MRC1: variants seen among roughly 807,000 people sequenced by gnomAD.
MRC1 encodes the protein macrophage mannose receptor 1.
MRC1 carries 62 observed loss-of-function variants against 102.9 expected under a neutral mutation model. That is an observed-to-expected ratio of 0.60 (90% CI 0.49 to 0.74). The LOEUF (loss-of-function observed/expected upper bound fraction) is 0.74, where lower values mean the gene tolerates loss of function less well. MRC1 is among the 30% of genes least tolerant of loss of function. The pLI is 0.00. For missense variants in MRC1, 1,237 were observed against 862.8 expected, an observed-to-expected ratio of 1.43 and a Z score of -5.43; for synonymous variants, 457 against 298.4, an observed-to-expected ratio of 1.53 and a Z score of -5.48.
chr10:17,832,388 C>T (rs1838587961), intron 3 of MRC1, among the ~76,000 whole-genome samples: 2 of 150,412 alleles, frequency 1.3e-5, no homozygotes, highest in Admixed American at 1.3e-4. Flanking sequence ...AACCCCGTCT[C>T]TACTAAAAAT....
In MRC1 at chr10:17,894,307, G is replaced by A. The variant is rs1242339585; in HGVS notation, c.3245G>A (p.Arg1082Gln). The change falls in exon 23 of 30, where the codon CGA (arginine) becomes CAA (glutamine). Residue 1082 changes from arginine to glutamine, a missense_variant. Arg to Gln is a conservative substitution (Grantham distance 43). Coordinates refer to ENST00000569591, the MANE Select transcript of MRC1 (RefSeq NM_002438.4). ...DSKRGYICQTRSDPSLTNPPA... is the reference protein window; with the variant it reads ...DSKRGYICQTQSDPSLTNPPA... ...AAACGAGGCTACATATGCCAGACAC[G>A]ATCCGGTAAGTTCTACCAAACCTTA... 4.1e-5 allele frequency: 36 copies of A among 871,986 alleles called. No homozygotes were observed. The highest frequency in any genetic ancestry group is 1.1e-4 in the African/African-American group (7 of 61,224). The allele number at this position is 871,986 out of a possible 1,614,324, so 54.0% of individuals were successfully genotyped here.
Position 17,833,659 on chromosome 10 carries a change from C to G in MRC1, c.638-16C>G, listed in dbSNP as rs542646543. ...CTATGCATAATGAACCAAATTCCAT[C>G]TGATTTCTTTCACAGTTGAGGGCAG... is the stretch of plus-strand genomic sequence containing the variant. On this transcript the variant is annotated splice_polypyrimidine_tract_variant and intron_variant, in intron 3 of 29. Transcript: ENST00000569591. The G allele has an allele frequency of 1.3e-6, 1 of 780,958 alleles. No homozygotes were observed. The allele number at this position is 780,958 out of a possible 1,614,324, so 48.4% of individuals were successfully genotyped here. A position where few individuals can be genotyped will look rare whatever the true frequency, so the allele number is the denominator to read the frequency against.
chr10:17,813,639 A>G (rs1838258217), intron 1 of MRC1, among the ~76,000 whole-genome samples: 1 of 142,918 alleles, frequency 7.0e-6, no homozygotes, highest in African/African-American at 2.5e-5. Context: ...TTTTATATAT[A>G]TAAATATATA....
At chr10:17,893,679 A>G (rs1243052967) in intron 22 of MRC1, among the ~76,000 whole-genome samples, 1 of 152,206 alleles carries the variant, frequency 6.6e-6, no homozygotes, top group East Asian at 1.9e-4. Context: ...CAACCAAACA[A>G]ATATAATATT....
intron 1 of MRC1, among the ~76,000 whole-genome samples, chr10:17,816,182 T>C (rs1554837878): frequency 2.6e-5 from 4 of 152,178 alleles, no homozygotes. Flanking sequence ...TAAATATTTG[T>C]TTTTCACTGA....
chr10:17,827,627 G>A lies in MRC1; in HGVS notation c.549G>A (p.Thr183=), dbSNP rs1337231533. ...AAAACAAGTGGTACGCAGATTGCAC[G>A]AGTGCTGGGCGGTCGGATGGATGGC... is the stretch of plus-strand genomic sequence containing the variant. ...KFENKWYADC[T]SAGRSDGWLW... is the part of the protein sequence containing the mutation. Residue 183 remains threonine, a synonymous_variant, in exon 3 of 30, where the codon ACG becomes ACA. Coordinates refer to ENST00000569591, the MANE Select transcript of MRC1 (RefSeq NM_002438.4). The A allele has an allele frequency of 1.3e-6, 1 of 780,818 alleles. No individual in the cohort carries two copies. Among genetic ancestry groups the A allele is most frequent in the South Asian group, 1.3e-5 (1 of 74,598 alleles). 48.4% of individuals were successfully genotyped at this position (780,818 alleles called of 1,614,324 possible). A position where few individuals can be genotyped will look rare whatever the true frequency, so the allele number is the denominator to read the frequency against.
intron 21 of MRC1, among the ~76,000 whole-genome samples, chr10:17,883,511 G>A (rs1416498201): frequency 6.6e-6 from 1 of 151,144 alleles, no homozygotes; most frequent in African/African-American, 2.4e-5. Flanking sequence ...AAAAACAGAA[G>A]TCTCTGAGAC....
In MRC1 at chr10:17,881,123, A is replaced by G. The variant is rs921092545; in HGVS notation, c.2922A>G (p.Arg974=). ...EEERKNWQEA[R]KACIGFGGNL... ...AAAGAAAAAATTGGCAAGAGGCACG[A>G]AAAGCTTGTATAGGCTTTGGAGGGA... is the stretch of plus-strand genomic sequence containing the variant. Residue 974 remains arginine (R), a synonymous_variant, in exon 21 of 30, where the codon CGA becomes CGG. Coordinates refer to ENST00000569591, the MANE Select transcript of MRC1 (RefSeq NM_002438.4). The G allele has an allele frequency of 4.1e-5, 32 of 780,810 alleles. No homozygotes were observed. The African/African-American group carries it at 4.4e-4, about 11-fold the overall frequency. The allele number at this position is 780,810 out of a possible 1,614,324, so 48.4% of individuals were successfully genotyped here. A position where few individuals can be genotyped will look rare whatever the true frequency, so the allele number is the denominator to read the frequency against.
Position 17,844,355 on chromosome 10 carries a change from A to AT in MRC1, c.917-932dup, listed in dbSNP as rs1838794364. Among the ~76,000 whole-genome samples, 12 of 152,140 alleles carry AT rather than the reference A, an allele frequency of 7.9e-5. No homozygotes were observed. The South Asian group carries it at 2.5e-3, about 32-fold the overall frequency. On this transcript the variant is annotated intron_variant, in intron 5 of 29. Transcript: ENST00000569591. ...TGCCTCAGCCTCCCAAGTAGCTGGG[A>AT]TTACAGGTGCCCGCCAGCTCCCCGG...
chr10:17,910,398 G>T lies in MRC1; in HGVS notation c.4304G>T (p.Ser1435Ile), dbSNP rs1274860886. 8 of 780,720 alleles carry T rather than the reference G, an allele frequency of 1.0e-5. No individual in the cohort carries two copies. In the African/African-American group the frequency reaches 1.2e-4, roughly 12 times the overall value. 48.4% of individuals were successfully genotyped at this position (780,720 alleles called of 1,614,324 possible). ...ENTLYFNSQS[S>I]PGTSDMKDLV... ...ACTCTGTATTTTAACAGTCAGTCAA[G>T]CCCAGGAACTAGTGATATGAAAGAT... The change falls in exon 30 of 30, where the codon AGC (serine) becomes ATC (isoleucine). Residue 1435 changes from serine (S) to isoleucine (I), a missense_variant. Ser to Ile is a moderately radical substitution (Grantham distance 142). Coordinates refer to ENST00000569591, the MANE Select transcript of MRC1 (RefSeq NM_002438.4).
At chr10:17,871,917 G>T (rs1833359971) in intron 14 of MRC1, 65 bp from the exon 15 acceptor site, 1 of 751,844 alleles carries the variant, frequency 1.3e-6, no homozygotes, top group East Asian at 2.4e-5. Context: ...TTTCTGTTTG[G>T]ATGAATGATT....
intron 3 of MRC1, among the ~76,000 whole-genome samples, chr10:17,830,368 A>G (rs925622491): frequency 2.0e-5 from 3 of 151,198 alleles, no homozygotes; most frequent in African/African-American, 4.9e-5. Flanking sequence ...CTGACCTCAA[A>G]TGATCCACCC....
chr10:17,825,886 A>G (rs1459127819), intron 2 of MRC1, among the ~76,000 whole-genome samples: 1 of 152,218 alleles, frequency 6.6e-6, no homozygotes, highest in East Asian at 1.9e-4. Flanking sequence ...GTGACTAAGA[A>G]TGGCGCAATT....
chr10:17,842,174 G>A (rs1301640015), intron 5 of MRC1, among the ~76,000 whole-genome samples: 2 of 152,098 alleles, frequency 1.3e-5, no homozygotes, highest in Non-Finnish European at 2.9e-5. Context: ...CATTGGCCAG[G>A]CCAGTCTCGA....
At position 17,845,416 on chromosome 10, in the gene MRC1, T is replaced by A; in HGVS notation, c.1044T>A (p.Asn348Lys). ...YICKKGNTTL[N>K]SFVIPSESDV... is the part of the protein sequence containing the mutation. ...GCAAAAAGGGCAACACCACTTTAAA[T>A]TCTTTTGTTATTCCCTCAGGTAAGT... The change falls in exon 6 of 30, where the codon AAT (asparagine) becomes AAA (lysine). Residue 348 changes from asparagine (N) to lysine (K), a missense_variant. Transcript: ENST00000569591. 1.3e-6 allele frequency: 1 copy of A among 780,894 alleles called. No homozygotes were observed. Among genetic ancestry groups the A allele is most frequent in the Non-Finnish European group, 2.4e-6 (1 of 417,962 alleles). The allele number at this position is 780,894 out of a possible 1,614,324, so 48.4% of individuals were successfully genotyped here.
intron 12 of MRC1, 128 bp from the exon 13 acceptor site, chr10:17,870,116 TAC>T: frequency 1.5e-6 from 1 of 670,882 alleles, no homozygotes; most frequent in Middle Eastern, 3.3e-4. Flanking sequence ...GCAAAAGAAT[TAC>T]ATTGTTTTGA....
In MRC1 at chr10:17,809,355, G is replaced by A. The variant is rs1838187625; in HGVS notation, c.-111G>A. 3.7e-6 allele frequency: 3 copies of A among 801,532 alleles called. No individual in the cohort carries two copies. In the African/African-American group the frequency reaches 5.0e-5, roughly 13 times the overall value. 49.7% of individuals were successfully genotyped at this position (801,532 alleles called of 1,614,324 possible). A position where few individuals can be genotyped will look rare whatever the true frequency, so the allele number is the denominator to read the frequency against. ...TTCCTCTGTAGTTCTTTTCAGCTGGGCAGCTCTGGGAACTTGGATTAGGTG... is the reference window on the plus strand; with the variant it reads ...TTCCTCTGTAGTTCTTTTCAGCTGGACAGCTCTGGGAACTTGGATTAGGTG... On this transcript the variant is annotated 5_prime_UTR_variant, in exon 1 of 30. Coordinates refer to ENST00000569591, the MANE Select transcript of MRC1 (RefSeq NM_002438.4).
intron 22 of MRC1, among the ~76,000 whole-genome samples, chr10:17,886,861 T>G (rs1833604167): frequency 6.6e-6 from 1 of 152,128 alleles, no homozygotes; most frequent in Non-Finnish European, 1.5e-5. Context: ...AGCAGGAGTT[T>G]TATCCAGAAA....
intron 2 of MRC1, among the ~76,000 whole-genome samples, chr10:17,824,680 A>C (rs1194587992): frequency 6.6e-6 from 1 of 152,162 alleles, no homozygotes; most frequent in Non-Finnish European, 1.5e-5. Flanking sequence ...AGAAAATTAC[A>C]AGGAAGGAGA....
Sources: gnomAD v4.1 joint callset for allele counts (sites outside exome capture counted in the v4.1 genomes callset) on GRCh38, gnomAD v4.1.1 for gene constraint, MANE v1.5 for transcripts, NCBI Gene and HGNC (gene_info 2026-07-23, HGNC 2026-07-21) for gene names.